Variants in TMEM170A observed in about 807,000 individuals in gnomAD.
TMEM170A encodes the protein transmembrane protein 170A.
Under a neutral mutation model 12.8 loss-of-function variants are expected in TMEM170A, and 18 were observed. That is an observed-to-expected ratio of 1.41 (90% CI 0.97 to 2.09). The LOEUF (loss-of-function observed/expected upper bound fraction) is 2.09, where lower values mean the gene tolerates loss of function less well. TMEM170A is among the 30% of genes most tolerant of loss of function. The pLI, the probability that TMEM170A is intolerant of heterozygous loss-of-function variation, is 0.00. For synonymous variants in TMEM170A, 107 were observed against 76.2 expected (o/e 1.40, Z -2.11); for missense variants, 220 against 179.9 (o/e 1.22, Z -1.28).
At chr16:75,455,565 C>T (rs550854753) in intron 1 of TMEM170A, among the ~76,000 whole-genome samples, 3 of 151,956 alleles carry the variant, frequency 2.0e-5, no homozygotes, top group Admixed American at 2.0e-4. Context: ...GCATGGTGCT[C>T]GTGCCTGTAA....
In TMEM170A at chr16:75,444,665, C is replaced by A. The variant is rs536626160; in HGVS notation, c.*2893G>T. On this transcript the variant is annotated 3_prime_UTR_variant, in exon 3 of 3. Transcript: ENST00000561878. The stretch of plus-strand genomic sequence containing the variant: ...ATTCCTTATGATTCAAATAGTCTTT[C>A]CCTGAAAACATTTCAAGCTACACCG... 14 of 152,104 alleles carry A rather than the reference C, an allele frequency of 9.2e-5. No individual in the cohort carries two copies. The highest frequency in any genetic ancestry group is 3.4e-4 in the African/African-American group (14 of 41,488). The allele number at this position is 152,104 out of a possible 1,614,324, so 9.4% of individuals were successfully genotyped here. A position where few individuals can be genotyped will look rare whatever the true frequency, so the allele number is the denominator to read the frequency against.
intron 2 of TMEM170A, 143 bp from the exon 3 acceptor site, chr16:75,447,831 T>C: frequency 9.6e-7 from 1 of 1,041,040 alleles, no homozygotes; most frequent in South Asian, 1.8e-5. Context: ...ATGTTAGGTT[T>C]TCCCTATTCT....
rs935903852 is a variant in TMEM170A, at chr16:75,464,334, G to A, written c.133+134C>T. On this transcript the variant is annotated intron_variant, in intron 1 of 2. Transcript: ENST00000561878. ...AAAGGGGCTCCGGGCGAGCAGCACGGCCCCCCTCCCGGAGGACAGCGCCCA... is the reference window on the plus strand; with the variant it reads ...AAAGGGGCTCCGGGCGAGCAGCACGACCCCCCTCCCGGAGGACAGCGCCCA... 242 of 1,396,314 alleles carry A rather than the reference G, an allele frequency of 1.7e-4. 1 individual carries two copies. The highest frequency in any genetic ancestry group is 3.7e-5 in the Non-Finnish European group (40 of 1,077,502). The allele number at this position is 1,396,314 out of a possible 1,614,324, so 86.5% of individuals were successfully genotyped here. A position where few individuals can be genotyped will look rare whatever the true frequency, so the allele number is the denominator to read the frequency against.
Position 75,445,978 on chromosome 16 carries a change from C to A in TMEM170A, c.*1580G>T, listed in dbSNP as rs1224435164. On this transcript the variant is annotated 3_prime_UTR_variant, in exon 3 of 3. Coordinates refer to ENST00000561878, the MANE Select transcript of TMEM170A (RefSeq NM_145254.3). ...GGATCACAAGGTCAGGAGTTCAAGACCAGCCTGGGCAAGATGGTGAAACCT... is the reference window on the plus strand; with the variant it reads ...GGATCACAAGGTCAGGAGTTCAAGAACAGCCTGGGCAAGATGGTGAAACCT... 2 of 151,930 alleles carry A rather than the reference C, an allele frequency of 1.3e-5. No homozygotes were observed. Among genetic ancestry groups the A allele is most frequent in the Non-Finnish European group, 2.9e-5 (2 of 68,000 alleles). 9.4% of individuals were successfully genotyped at this position (151,930 alleles called of 1,614,324 possible).
rs1316183185 is a variant in TMEM170A, at chr16:75,451,421, C to T, written c.304+248G>A. 5 of 593,112 alleles carry T rather than the reference C, an allele frequency of 8.4e-6. No homozygotes were observed. In the East Asian group the frequency reaches 1.1e-4, roughly 13 times the overall value. 36.7% of individuals were successfully genotyped at this position (593,112 alleles called of 1,614,324 possible). A position where few individuals can be genotyped will look rare whatever the true frequency, so the allele number is the denominator to read the frequency against. On this transcript the variant is annotated intron_variant, in intron 2 of 2. Coordinates refer to ENST00000561878, the MANE Select transcript of TMEM170A (RefSeq NM_145254.3). ...AAAATTAGCGGGGCATGGTGGCACA[C>T]CCCTGTAGTCCAAGCTTCTTGGGAG...
intron 1 of TMEM170A, among the ~76,000 whole-genome samples, chr16:75,462,411 G>A (rs2079924488): frequency 1.3e-5 from 2 of 152,300 alleles, no homozygotes; most frequent in Non-Finnish European, 1.5e-5. Context: ...GTTTTGCCAT[G>A]TTGGCCAGGC....
chr16:75,450,231 T>C (rs2079659095), intron 2 of TMEM170A, among the ~76,000 whole-genome samples: 1 of 151,056 alleles, frequency 6.6e-6, no homozygotes, highest in African/African-American at 2.4e-5. Context: ...GGGCGATTTC[T>C]GCTTGATGCT....
intron 2 of TMEM170A, among the ~76,000 whole-genome samples, chr16:75,450,481 C>T (rs1020280072): frequency 2.6e-5 from 4 of 151,984 alleles, no homozygotes; most frequent in Non-Finnish European, 4.4e-5. Context: ...ATGATTTAAA[C>T]TTATTGTTCT....
chr16:75,464,670 A>G lies in TMEM170A; in HGVS notation c.-70T>C. The G allele has an allele frequency of 3.3e-6, 5 of 1,517,642 alleles. No homozygotes were observed. The highest frequency in any genetic ancestry group is 3.5e-6 in the Non-Finnish European group (4 of 1,141,068). 94.0% of individuals were successfully genotyped at this position (1,517,642 alleles called of 1,614,324 possible). A position where few individuals can be genotyped will look rare whatever the true frequency, so the allele number is the denominator to read the frequency against. The stretch of plus-strand genomic sequence containing the variant: ...GTGCGGTAGCGGCCGGCGCCGACTC[A>G]CCCTCGCCGCCTCAGCGTCACCTCC... On this transcript the variant is annotated 5_prime_UTR_variant, in exon 1 of 3. Coordinates refer to ENST00000561878, the MANE Select transcript of TMEM170A (RefSeq NM_145254.3).
At position 75,464,555 on chromosome 16, in the gene TMEM170A, G is replaced by A. The variant is rs142387861; in HGVS notation, c.46C>T (p.Leu16=). The A allele has an allele frequency of 9.1e-4, 1,441 of 1,587,844 alleles. No homozygotes were observed. The highest frequency in any genetic ancestry group is 2.8e-3 in the African/African-American group (203 of 72,120). The change falls in exon 1 of 3, where the codon CTG becomes TTG. Residue 16 remains leucine (L), a synonymous_variant. Transcript: ENST00000561878. ...SGGSGGSAGL[L]QQILSLKVVP... ...ACCTTCAGGCTCAGGATCTGCTGCA[G>A]GAGCCCGGCCGACCCGCCGCTGCCG...
chr16:75,462,905 T>C (rs1295983439), intron 1 of TMEM170A, among the ~76,000 whole-genome samples: 1 of 152,150 alleles, frequency 6.6e-6, no homozygotes, highest in Non-Finnish European at 1.5e-5. Flanking sequence ...TAGAAAATGG[T>C]TTTTAGAAGA....
At chr16:75,464,201 G>A in intron 1 of TMEM170A, 1 of 1,503,762 alleles carries the variant, frequency 6.6e-7, no homozygotes, top group Non-Finnish European at 8.8e-7. Context: ...CGCTCGGGTG[G>A]CGGCCGAGCG....
chr16:75,459,314 C>G (rs578210618), intron 1 of TMEM170A, among the ~76,000 whole-genome samples: 5 of 152,324 alleles, frequency 3.3e-5, no homozygotes, highest in Admixed American at 1.3e-4. Flanking sequence ...TGGCTGGCTC[C>G]CTGGCCTCTA....
chr16:75,449,878 G>T (rs1232501801), intron 2 of TMEM170A, among the ~76,000 whole-genome samples: 1 of 152,168 alleles, frequency 6.6e-6, no homozygotes, highest in East Asian at 1.9e-4. Flanking sequence ...TTGGGATAAT[G>T]AAGCGAAGAA....
intron 1 of TMEM170A, chr16:75,458,497 G>A (rs1204957688): frequency 1.3e-5 from 2 of 152,240 alleles, no homozygotes; most frequent in East Asian, 3.8e-4. Context: ...ATTTGAAGAT[G>A]TTATGCCGCT....
At chr16:75,463,042 A>G (rs1597458787) in intron 1 of TMEM170A, among the ~76,000 whole-genome samples, 1 of 152,134 alleles carries the variant, frequency 6.6e-6, no homozygotes, top group East Asian at 1.9e-4. Context: ...ACATGTGGTT[A>G]TATATATAGA....
rs2079554500 is a variant in TMEM170A, at chr16:75,444,691, C to G, written c.*2867G>C. On this transcript the variant is annotated 3_prime_UTR_variant, in exon 3 of 3. Transcript: ENST00000561878. ...CCTGAAAACATTTCAAGCTACACCG[C>G]TCAAGCTATTTAAAATCTATATATA... 6.6e-6 allele frequency: 1 copy of G among 151,424 alleles called. No homozygotes were observed. The highest frequency in any genetic ancestry group is 2.4e-5 in the African/African-American group (1 of 41,060). 9.4% of individuals were successfully genotyped at this position (151,424 alleles called of 1,614,324 possible). A position where few individuals can be genotyped will look rare whatever the true frequency, so the allele number is the denominator to read the frequency against.
At chr16:75,448,874 T>A (rs1019736001) in intron 2 of TMEM170A, among the ~76,000 whole-genome samples, 3 of 151,702 alleles carry the variant, frequency 2.0e-5, no homozygotes, top group Non-Finnish European at 4.4e-5. Context: ...CCATCCTGGG[T>A]AACATGACCA....
intron 2 of TMEM170A, among the ~76,000 whole-genome samples, chr16:75,448,525 G>A (rs953755048): frequency 6.6e-6 from 1 of 152,198 alleles, no homozygotes; most frequent in Non-Finnish European, 1.5e-5. Context: ...CACTTTGGGA[G>A]GCCGAGATGG....
Sources: allele counts gnomAD v4.1 joint callset (sites outside exome capture counted in the v4.1 genomes callset), GRCh38; gene constraint gnomAD v4.1.1; transcripts MANE v1.5; gene names NCBI Gene and HGNC (gene_info 2026-07-23, HGNC 2026-07-21).